The following ERC1 variants were observed in gnomAD, a reference collection of about 807,000 sequenced individuals.
ERC1 encodes the protein RAB6 interacting protein 2.
A neutral mutation model predicts 132.0 loss-of-function variants in ERC1; 56 were observed. That is an observed-to-expected ratio of 0.42 (90% CI 0.34 to 0.53). The LOEUF is 0.53. Among genes scored for constraint, ERC1 ranks in the 20% least tolerant of loss-of-function variants. The probability of loss-of-function intolerance (pLI) is 0.03; values close to 1 mark genes in which losing one functional copy is unlikely to be tolerated. For missense variants in ERC1, 1,202 were observed against 1,349.9 expected, an observed-to-expected ratio of 0.89 and a Z score of 1.72; for synonymous variants, 478 against 476.1, an observed-to-expected ratio of 1.00 and a Z score of -0.05.
At chr12:1,172,313 TAAA>T (rs1953154294) in intron 8 of ERC1, among the ~76,000 whole-genome samples, 3 of 151,908 alleles carry the variant, frequency 2.0e-5, no homozygotes, top group Non-Finnish European at 4.4e-5. Flanking sequence ...CTACAAAAAT[TAAA>T]AATCGGCTGG....
rs2094338055 is a variant in ERC1, at chr12:1,493,551, ATATATATATATAT to A, written c.*3322_*3334del. ...CCATTTAAAAAAAAAAAAAAAAAATATATATATATATATATATATATATATATGGATGGGAATC... is the reference window on the plus strand; with the variant it reads ...CCATTTAAAAAAAAAAAAAAAAAATAATATATATATATATGGATGGGAATC... On this transcript the variant is annotated 3_prime_UTR_variant, in exon 19 of 19. Transcript: ENST00000360905. 3.6e-5 allele frequency: 3 copies of A among 83,466 alleles called. 1 individual carries two copies. Among genetic ancestry groups the A allele is most frequent in the East Asian group, 6.3e-4 (2 of 3,196 alleles). The allele number at this position is 83,466 out of a possible 1,614,324, so 5.2% of individuals were successfully genotyped here. A position where few individuals can be genotyped will look rare whatever the true frequency, so the allele number is the denominator to read the frequency against.
chr12:1,464,766 C>T (rs2093711387), intron 18 of ERC1, among the ~76,000 whole-genome samples: 1 of 151,890 alleles, frequency 6.6e-6, no homozygotes, highest in Non-Finnish European at 1.5e-5. Context: ...ACGATCTGCC[C>T]ACCTCAGCCT....
intron 11 of ERC1, among the ~76,000 whole-genome samples, chr12:1,189,288 G>A (rs570909977): frequency 1.8e-4 from 27 of 152,310 alleles, no homozygotes; most frequent in African/African-American, 5.8e-4. Context: ...CCTTGCATGA[G>A]GGAGGTACCT....
chr12:1,105,115 C>CA (rs1386501400), intron 4 of ERC1, among the ~76,000 whole-genome samples: 1 of 152,202 alleles, frequency 6.6e-6, no homozygotes, highest in Non-Finnish European at 1.5e-5. Flanking sequence ...ATGACAGACT[C>CA]ACTTCCTTCA....
At chr12:1,020,038 G>A (rs1424703378) in intron 1 of ERC1, among the ~76,000 whole-genome samples, 1 of 152,056 alleles carries the variant, frequency 6.6e-6, no homozygotes, top group Admixed American at 6.6e-5. Flanking sequence ...ACAGGCATGG[G>A]CCACTGTGTC....
chr12:1,068,797 C>T (rs988914553), intron 2 of ERC1, among the ~76,000 whole-genome samples: 6 of 152,098 alleles, frequency 3.9e-5, no homozygotes, highest in African/African-American at 4.8e-5. Context: ...AGGGAACTTT[C>T]GCCTTCTTAC....
intron 1 of ERC1, among the ~76,000 whole-genome samples, chr12:1,006,212 C>T (rs1359629560): frequency 2.6e-5 from 4 of 152,094 alleles, no homozygotes; most frequent in Non-Finnish European, 4.4e-5. Context: ...CCGCCTCGGC[C>T]TCCCAAAGTG....
chr12:1,125,560 A>G (rs1211904694), intron 7 of ERC1, among the ~76,000 whole-genome samples: 1 of 152,150 alleles, frequency 6.6e-6, no homozygotes, highest in Non-Finnish European at 1.5e-5. Context: ...TCACGCCTAT[A>G]ATCCCAGCAC....
chr12:1,306,651 A>G (rs1390145372), intron 15 of ERC1, among the ~76,000 whole-genome samples: 1 of 152,160 alleles, frequency 6.6e-6, no homozygotes, highest in Non-Finnish European at 1.5e-5. Context: ...ATGAAATCCT[A>G]TTTTATGAAA....
intron 2 of ERC1, among the ~76,000 whole-genome samples, chr12:1,080,485 A>T (rs894881603): frequency 6.6e-6 from 1 of 152,206 alleles, no homozygotes; most frequent in African/African-American, 2.4e-5. Flanking sequence ...GAAAATCATT[A>T]GCAGGTGATA....
intron 8 of ERC1, among the ~76,000 whole-genome samples, chr12:1,156,273 C>T (rs1951386537): frequency 6.6e-6 from 1 of 151,978 alleles, no homozygotes; most frequent in South Asian, 2.1e-4. Flanking sequence ...GAGTCTCACT[C>T]TGTCGCCCAG....
chr12:1,340,290 G>C (rs955997220), intron 15 of ERC1, among the ~76,000 whole-genome samples: 1 of 152,102 alleles, frequency 6.6e-6, no homozygotes, highest in Admixed American at 6.5e-5. Context: ...GTCTTGCAGA[G>C]GTTAGGTCCA....
chr12:1,044,661 T>C (rs1970797012), intron 2 of ERC1, among the ~76,000 whole-genome samples: 2 of 152,216 alleles, frequency 1.3e-5, no homozygotes, highest in African/African-American at 2.4e-5. Context: ...TTTTATAATA[T>C]ATTTTGAAGT....
At position 1,394,034 on chromosome 12, in the gene ERC1, CA is replaced by C. The variant is rs1298602508; in HGVS notation, c.2926-14105del. On this transcript the variant is annotated intron_variant, in intron 16 of 18. Coordinates refer to ENST00000360905, the MANE Select transcript of ERC1 (RefSeq NM_178040.4). The stretch of plus-strand genomic sequence containing the variant: ...CCGTCTCAAAAAAAAAAAAAAAAAA[CA>C]AAAAAAAAACCACAAAGCATTAAGC... Among the ~76,000 whole-genome samples, 11 of 45,288 alleles carry C rather than the reference CA, an allele frequency of 2.4e-4. No individual in the cohort carries two copies. In the East Asian group the frequency reaches 2.8e-3, roughly 12 times the overall value. 29.7% of individuals were successfully genotyped at this position (45,288 alleles called of 152,430 possible).
At chr12:1,253,633 G>A (rs973104605) in intron 13 of ERC1, among the ~76,000 whole-genome samples, 31 of 152,144 alleles carry the variant, frequency 2.0e-4, no homozygotes, top group Middle Eastern at 3.4e-3. Flanking sequence ...CCGAGATCAC[G>A]CCATTGCACT....
At chr12:1,423,316 C>G (rs562788126) in intron 17 of ERC1, among the ~76,000 whole-genome samples, 2 of 152,354 alleles carry the variant, frequency 1.3e-5, no homozygotes, top group African/African-American at 4.8e-5. Flanking sequence ...AACCCCCCAC[C>G]ACTTATGGCC....
intron 1 of ERC1, among the ~76,000 whole-genome samples, chr12:1,006,811 A>G (rs1240274048): frequency 6.6e-6 from 1 of 152,120 alleles, no homozygotes; most frequent in Non-Finnish European, 1.5e-5. Context: ...TCTTGTAAAT[A>G]GTATAGCAAA....
At chr12:996,082 C>T (rs1960784720) in intron 1 of ERC1, among the ~76,000 whole-genome samples, 2 of 148,294 alleles carry the variant, frequency 1.3e-5, no homozygotes, top group East Asian at 2.0e-4. Context: ...TTTTTTACTT[C>T]TCTGTTTTTT....
chr12:1,424,829 A>G (rs991629544), intron 17 of ERC1, among the ~76,000 whole-genome samples: 1 of 128,354 alleles, frequency 7.8e-6, no homozygotes, highest in African/African-American at 2.9e-5. Context: ...ATAGATAGAT[A>G]GATAGATAGA....
Sources: allele counts gnomAD v4.1 joint callset (sites outside exome capture counted in the v4.1 genomes callset), GRCh38; gene constraint gnomAD v4.1.1; transcripts MANE v1.5; gene names NCBI Gene and HGNC (gene_info 2026-07-23, HGNC 2026-07-21).